ADAMTS12: variants seen among roughly 807,000 people sequenced by gnomAD.
The protein encoded by ADAMTS12 is A disintegrin and metalloproteinase with thrombospondin motifs 12.
ADAMTS12 carries 118 observed loss-of-function variants against 167.8 expected under a neutral mutation model. The observed-to-expected ratio is 0.70, with a 90% CI of 0.61 to 0.82. The LOEUF (loss-of-function observed/expected upper bound fraction) is 0.82, where lower values mean the gene tolerates loss of function less well. ADAMTS12 is among the 40% of genes least tolerant of loss of function. The pLI is 0.00. For synonymous variants in ADAMTS12, 704 were observed against 716.9 expected, an observed-to-expected ratio of 0.98 and a Z score of 0.29; for missense variants, 1,916 against 1,998.8, an observed-to-expected ratio of 0.96 and a Z score of 0.79.
chr5:33,874,296 T>C (rs924291527), intron 2 of ADAMTS12, among the ~76,000 whole-genome samples: 3 of 152,182 alleles, frequency 2.0e-5, no homozygotes, highest in Admixed American at 6.5e-5. Flanking sequence ...GAAGAAGATA[T>C]ACATATGACA....
rs560923744 is a variant in ADAMTS12 at position 33,756,586 on chromosome 5, G to A, written c.490-5038C>T. 1.3e-4 allele frequency among the ~76,000 whole-genome samples: 20 copies of A among 152,222 alleles called. No homozygotes were observed. The South Asian group carries it at 1.5e-3, about 11-fold the overall frequency. ...AAAGAGAGGTGGGAGTAGGACCACC[G>A]GGAAGATTTCACCCAGCACACCCTA... On this transcript the variant is annotated intron_variant, in intron 2 of 23. Coordinates refer to ENST00000504830, the MANE Select transcript of ADAMTS12 (RefSeq NM_030955.4).
intron 2 of ADAMTS12, among the ~76,000 whole-genome samples, chr5:33,853,646 A>G (rs960800256): frequency 2.0e-5 from 3 of 152,224 alleles, no homozygotes; most frequent in Admixed American, 6.5e-5. Flanking sequence ...CATTGATTAG[A>G]GCAGCATCAT....
chr5:33,593,164 C>A (rs1399896192), intron 17 of ADAMTS12, among the ~76,000 whole-genome samples: 2 of 152,154 alleles, frequency 1.3e-5, no homozygotes, highest in Non-Finnish European at 1.5e-5. Context: ...GTAATCCCAG[C>A]TACCCACGAG....
At chr5:33,754,550 T>C (rs1376493483) in intron 2 of ADAMTS12, among the ~76,000 whole-genome samples, 1 of 152,202 alleles carries the variant, frequency 6.6e-6, no homozygotes, top group East Asian at 1.9e-4. Context: ...TTAACTAAGT[T>C]AAAAACATCT....
intron 3 of ADAMTS12, among the ~76,000 whole-genome samples, chr5:33,746,745 G>C (rs985009268): frequency 6.6e-6 from 1 of 152,204 alleles, no homozygotes; most frequent in Non-Finnish European, 1.5e-5. Context: ...GCATTTTGTA[G>C]ATGTGATTAA....
At chr5:33,887,469 G>A (rs937229098) in intron 1 of ADAMTS12, among the ~76,000 whole-genome samples, 1 of 152,098 alleles carries the variant, frequency 6.6e-6, no homozygotes, top group African/African-American at 2.4e-5. Flanking sequence ...GGGTTGGGAG[G>A]GCCAGAGGCT....
At chr5:33,873,781 A>C (rs1033808750) in intron 2 of ADAMTS12, among the ~76,000 whole-genome samples, 2 of 152,222 alleles carry the variant, frequency 1.3e-5, no homozygotes, top group Non-Finnish European at 2.9e-5. Context: ...TATCTTTGAC[A>C]AAGTGGGAAA....
intron 5 of ADAMTS12, 79 bp from the exon 6 acceptor site, chr5:33,662,119 G>A: frequency 6.4e-7 from 1 of 1,554,664 alleles, no homozygotes. Context: ...TTCATCTCCA[G>A]AGGTGTCCAA....
intron 19 of ADAMTS12, among the ~76,000 whole-genome samples, chr5:33,570,708 C>G (rs1251721223): frequency 6.6e-6 from 1 of 151,118 alleles, no homozygotes. Context: ...AAATAACCAG[C>G]TAACATCATA....
intron 23 of ADAMTS12, among the ~76,000 whole-genome samples, chr5:33,527,592 T>A (rs1470437129): frequency 1.3e-5 from 2 of 152,162 alleles, no homozygotes; most frequent in Non-Finnish European, 2.9e-5. Context: ...ATGTAATTGT[T>A]TTATACAGAA....
At chr5:33,625,903 C>G (rs1479084594) in intron 13 of ADAMTS12, among the ~76,000 whole-genome samples, 1 of 152,190 alleles carries the variant, frequency 6.6e-6, no homozygotes. Context: ...AAGGAGCTCT[C>G]AGGGGAAAAG....
At chr5:33,843,700 T>C (rs1748835220) in intron 2 of ADAMTS12, among the ~76,000 whole-genome samples, 1 of 152,160 alleles carries the variant, frequency 6.6e-6, no homozygotes, top group Non-Finnish European at 1.5e-5. Flanking sequence ...TTCCAAGACC[T>C]CCACTGGATG....
intron 14 of ADAMTS12, among the ~76,000 whole-genome samples, chr5:33,623,873 T>G (rs1739450120): frequency 3.9e-5 from 6 of 152,194 alleles, no homozygotes; most frequent in Admixed American, 3.3e-4. Flanking sequence ...CTCCCCTAGT[T>G]CTTGGTCTGT....
chr5:33,529,716 G>A (rs1265982702), intron 23 of ADAMTS12, among the ~76,000 whole-genome samples: 1 of 152,078 alleles, frequency 6.6e-6, no homozygotes, highest in Non-Finnish European at 1.5e-5. Flanking sequence ...AGAAATGAAT[G>A]TCTTCTGTTA....
At chr5:33,813,779 T>A (rs1303315490) in intron 2 of ADAMTS12, among the ~76,000 whole-genome samples, 1 of 152,212 alleles carries the variant, frequency 6.6e-6, no homozygotes, top group East Asian at 1.9e-4. Flanking sequence ...TGGAAGTGGA[T>A]TCTCCAATCC....
chr5:33,536,278 G>C (rs922486073), intron 22 of ADAMTS12, among the ~76,000 whole-genome samples: 1 of 152,170 alleles, frequency 6.6e-6, no homozygotes, highest in Non-Finnish European at 1.5e-5. Flanking sequence ...TGGGACTACA[G>C]GCGTGTGCCA....
rs573001401 is a variant in ADAMTS12, at chr5:33,880,501, C to T, written c.489+618G>A. ...AATCTGTAAACACACAGCATATCTG[C>T]CTTTCAATAAAACTTTATTTATAAA... is the stretch of plus-strand genomic sequence containing the variant. On this transcript the variant is annotated intron_variant, in intron 2 of 23. Transcript: ENST00000504830. Among the ~76,000 whole-genome samples the T allele has an allele frequency of 9.2e-5, 14 of 152,334 alleles. No individual in the cohort carries two copies. In the East Asian group the frequency reaches 2.7e-3, roughly 29 times the overall value.
intron 2 of ADAMTS12, among the ~76,000 whole-genome samples, chr5:33,758,500 C>A (rs141163504): frequency 1.3e-5 from 2 of 152,286 alleles, no homozygotes; most frequent in African/African-American, 4.8e-5. Context: ...CTCAGAAAAA[C>A]AACAGCAGTG....
At chr5:33,631,281 TG>T (rs1228536153) in intron 12 of ADAMTS12, among the ~76,000 whole-genome samples, 1 of 152,172 alleles carries the variant, frequency 6.6e-6, no homozygotes, top group Non-Finnish European at 1.5e-5. Flanking sequence ...CAACCAGCCA[TG>T]AAGGACTCCA....
Sources: gnomAD v4.1 joint callset for allele counts (sites outside exome capture counted in the v4.1 genomes callset) on GRCh38, gnomAD v4.1.1 for gene constraint, MANE v1.5 for transcripts, NCBI Gene and HGNC (gene_info 2026-07-23, HGNC 2026-07-21) for gene names.